The following CYYR1 variants were observed in gnomAD, a reference collection of about 807,000 sequenced individuals.
CYYR1 encodes the protein cysteine and tyrosine-rich protein 1.
CYYR1 carries 14 observed loss-of-function variants against 15.2 expected under a neutral mutation model. The observed-to-expected ratio is 0.92, with a 90% CI of 0.61 to 1.44. CYYR1 has a LOEUF of 1.44. CYYR1 is among the 40% of genes most tolerant of loss of function. CYYR1 has a pLI of 0.00. For missense variants in CYYR1, 228 were observed against 209.5 expected (o/e 1.09, Z -0.54); for synonymous variants, 80 against 77.4 (o/e 1.03, Z -0.18).
chr21:26,486,262 T>A (rs1391738878), intron 2 of CYYR1, among the ~76,000 whole-genome samples: 1 of 152,110 alleles, frequency 6.6e-6, no homozygotes. Context: ...GAACAAAAGT[T>A]TTTAAATAAA....
intron 2 of CYYR1, chr21:26,551,310 C>T (rs1979370827): frequency 2.0e-5 from 3 of 152,608 alleles, no homozygotes; most frequent in Admixed American, 6.6e-5. Context: ...ACACAACACC[C>T]GTTCTGTACT....
Position 26,472,189 on chromosome 21 carries a change from A to G in CYYR1, c.335-3555T>C, listed in dbSNP as rs140254681. On this transcript the variant is annotated intron_variant, in intron 3 of 3. Transcript: ENST00000652641. ...CTTTTTCACTTTGTATTACAATGCA[A>G]GTCTTTTCATTCTGCTGCATATTCT... 1.6e-3 allele frequency among the ~76,000 whole-genome samples: 237 copies of G among 152,280 alleles called. 1 individual carries two copies. Among genetic ancestry groups the G allele is most frequent in the African/African-American group, 5.5e-3 (227 of 41,562 alleles).
At position 26,573,248 on chromosome 21, in the gene CYYR1, C is replaced by G; in HGVS notation, c.-308G>C. On this transcript the variant is annotated 5_prime_UTR_variant, in exon 1 of 4. Coordinates refer to ENST00000652641, the MANE Select transcript of CYYR1 (RefSeq NM_001320768.2). Reference sequence around the variant, plus strand: ...CGGCCACTCCGGCGTCCTTGGCCACCCAGGCTCACATTTCATCTCCGCGGG... The same window carrying G: ...CGGCCACTCCGGCGTCCTTGGCCACGCAGGCTCACATTTCATCTCCGCGGG... The G allele has an allele frequency of 7.3e-7, 1 of 1,369,806 alleles. No homozygotes were observed. Among genetic ancestry groups the G allele is most frequent in the African/African-American group, 1.5e-5 (1 of 66,540 alleles). 84.9% of individuals were successfully genotyped at this position (1,369,806 alleles called of 1,614,324 possible).
At chr21:26,514,007 T>C (rs2065686827) in intron 2 of CYYR1, among the ~76,000 whole-genome samples, 1 of 151,644 alleles carries the variant, frequency 6.6e-6, no homozygotes, top group Non-Finnish European at 1.5e-5. Context: ...GGCACATGTA[T>C]ACATATGTAA....
rs1442491422 is a variant in CYYR1 at position 26,492,776 on chromosome 21, A to T, written c.177-12347T>A. On this transcript the variant is annotated intron_variant, in intron 2 of 3. Coordinates refer to ENST00000652641, the MANE Select transcript of CYYR1 (RefSeq NM_001320768.2). ...AATTATGCAGCATGAAACAATTTTA[A>T]ATATCTCTAGCCTACCTATGATGTT... is the stretch of plus-strand genomic sequence containing the variant. Among the ~76,000 whole-genome samples the T allele has an allele frequency of 2.6e-5, 4 of 152,216 alleles. No individual in the cohort carries two copies. In the East Asian group the frequency reaches 5.8e-4, roughly 22 times the overall value.
At chr21:26,544,270 T>C (rs1215409356) in intron 2 of CYYR1, among the ~76,000 whole-genome samples, 8 of 152,208 alleles carry the variant, frequency 5.3e-5, no homozygotes, top group African/African-American at 1.4e-4. Flanking sequence ...TAATCACTTT[T>C]AGTCGTCAAA....
intron 2 of CYYR1, among the ~76,000 whole-genome samples, chr21:26,506,269 G>A (rs1006582377): frequency 6.6e-6 from 1 of 152,122 alleles, no homozygotes; most frequent in Non-Finnish European, 1.5e-5. Flanking sequence ...CACGCCTCTA[G>A]CCTACAGTCA....
At chr21:26,473,337 C>T (rs904541849) in intron 3 of CYYR1, among the ~76,000 whole-genome samples, 8 of 152,138 alleles carry the variant, frequency 5.3e-5, no homozygotes, top group Admixed American at 1.3e-4. Context: ...CTCCATTACC[C>T]GCATCCCCAG....
At chr21:26,526,293 C>CA (rs1383807327) in intron 2 of CYYR1, among the ~76,000 whole-genome samples, 1 of 151,866 alleles carries the variant, frequency 6.6e-6, no homozygotes, top group Non-Finnish European at 1.5e-5. Context: ...ACTAAAAATA[C>CA]AAAAAATAGC....
At position 26,496,268 on chromosome 21, in the gene CYYR1, C is replaced by CTT. The variant is rs147117342; in HGVS notation, c.177-15841_177-15840dup. 4.2e-3 allele frequency among the ~76,000 whole-genome samples: 643 copies of CTT among 152,190 alleles called. 2 individuals are homozygous for CTT. Among genetic ancestry groups the CTT allele is most frequent in the African/African-American group, 0.015 (605 of 41,530 alleles). ...AAAGGGGTCTGAAGCTGCTTAAGAG[C>CTT]TTTGTCTCAATAGAAATTGGGTTAG... On this transcript the variant is annotated intron_variant, in intron 2 of 3. Coordinates refer to ENST00000652641, the MANE Select transcript of CYYR1 (RefSeq NM_001320768.2).
intron 2 of CYYR1, among the ~76,000 whole-genome samples, chr21:26,508,723 T>C (rs530475866): frequency 6.6e-6 from 1 of 152,318 alleles, no homozygotes; most frequent in East Asian, 1.9e-4. Context: ...TATGGAATTA[T>C]ATCCAACTAT....
intron 3 of CYYR1, among the ~76,000 whole-genome samples, chr21:26,474,705 T>C (rs1305367840): frequency 6.6e-6 from 1 of 152,172 alleles, no homozygotes; most frequent in African/African-American, 2.4e-5. Context: ...CCTTCAAAAG[T>C]CTCTTCACCC....
At chr21:26,561,289 A>G (rs1980177620) in intron 2 of CYYR1, among the ~76,000 whole-genome samples, 1 of 151,378 alleles carries the variant, frequency 6.6e-6, no homozygotes, top group African/African-American at 2.4e-5. Flanking sequence ...TACTAAGATT[A>G]TTTTAACTTA....
At chr21:26,571,738 G>A (rs776887640) in intron 1 of CYYR1, among the ~76,000 whole-genome samples, 6 of 152,130 alleles carry the variant, frequency 3.9e-5, no homozygotes, top group Non-Finnish European at 8.8e-5. Context: ...AGAAATAAAT[G>A]TTGTAAACAG....
intron 2 of CYYR1, chr21:26,506,677 A>G (rs1393231862): frequency 6.6e-6 from 1 of 152,122 alleles, no homozygotes; most frequent in Non-Finnish European, 1.5e-5. Context: ...CTTACCCTGG[A>G]CACCTGACCC....
chr21:26,563,185 T>C (rs1173677044), intron 2 of CYYR1, among the ~76,000 whole-genome samples: 1 of 151,644 alleles, frequency 6.6e-6, no homozygotes, highest in African/African-American at 2.4e-5. Flanking sequence ...AAGACAGAAG[T>C]AAATCTTAAA....
intron 2 of CYYR1, among the ~76,000 whole-genome samples, chr21:26,499,839 T>G (rs2065456014): frequency 6.6e-6 from 1 of 151,142 alleles, no homozygotes; most frequent in Admixed American, 6.6e-5. Flanking sequence ...CATTTTTGTT[T>G]TTTTTTTTTT....
At chr21:26,499,665 G>A (rs977038820) in intron 2 of CYYR1, among the ~76,000 whole-genome samples, 3 of 152,094 alleles carry the variant, frequency 2.0e-5, no homozygotes, top group Admixed American at 2.0e-4. Context: ...AAATGAGGTT[G>A]GACAGATAAG....
intron 2 of CYYR1, among the ~76,000 whole-genome samples, chr21:26,492,564 A>G (rs1351986570): frequency 6.6e-6 from 1 of 152,196 alleles, no homozygotes; most frequent in Non-Finnish European, 1.5e-5. Context: ...AGAATGAATG[A>G]CAGAGACAGA....
Sources: allele counts gnomAD v4.1 joint callset (sites outside exome capture counted in the v4.1 genomes callset), GRCh38; gene constraint gnomAD v4.1.1; transcripts MANE v1.5; gene names NCBI Gene and HGNC (gene_info 2026-07-23, HGNC 2026-07-21).